Variants in SPMIP11 observed in about 807,000 individuals in gnomAD.
The protein encoded by SPMIP11 is sperm microtubule inner protein 11.
chr12:48,750,728 T>C, the SPMIP11 span, among the ~76,000 whole-genome samples: 4 of 152,222 alleles, frequency 2.6e-5, no homozygotes, highest in African/African-American at 9.6e-5. Flanking sequence ...CTATGTCCAT[T>C]AATTCAGGGA....
chr12:48,750,122 C>T, the SPMIP11 span, among the ~76,000 whole-genome samples: 1 of 151,998 alleles, frequency 6.6e-6, no homozygotes, highest in Non-Finnish European at 1.5e-5. Flanking sequence ...GAGGCCGAGG[C>T]AGGAAAATCG....
chr12:48,757,696 A>G, the SPMIP11 span, among the ~76,000 whole-genome samples: 1 of 148,644 alleles, frequency 6.7e-6, no homozygotes, highest in African/African-American at 2.5e-5. Context: ...ATAAATATAT[A>G]TATGTATATA....
At chr12:48,770,343 C>T in the SPMIP11 span, among the ~76,000 whole-genome samples, 1 of 152,142 alleles carries the variant, frequency 6.6e-6, no homozygotes, top group South Asian at 2.1e-4. Flanking sequence ...ACCAAATAGT[C>T]CATCTCTAGT....
the SPMIP11 span, among the ~76,000 whole-genome samples, chr12:48,748,525 C>T: frequency 6.6e-6 from 1 of 151,738 alleles, no homozygotes; most frequent in Non-Finnish European, 1.5e-5. Flanking sequence ...TGCCAATTGC[C>T]CTTGCTTTAA....
At chr12:48,759,152 T>C in the SPMIP11 span, 2 of 697,480 alleles carry the variant, frequency 2.9e-6, no homozygotes, top group East Asian at 5.4e-5. Flanking sequence ...GACCAGGGAA[T>C]CAGAGAATCA....
the SPMIP11 span, among the ~76,000 whole-genome samples, chr12:48,738,659 C>T: frequency 6.6e-6 from 1 of 151,982 alleles, no homozygotes; most frequent in Non-Finnish European, 1.5e-5. Context: ...CTCAGCCTCC[C>T]GAGTAGCTGG....
chr12:48,759,349 G>T, the SPMIP11 span: 1 of 702,518 alleles, frequency 1.4e-6, no homozygotes, highest in East Asian at 2.7e-5. Context: ...CCTTGGGGTG[G>T]GCATCATGCT....
chr12:48,771,214 C>T, the SPMIP11 span: 2 of 565,720 alleles, frequency 3.5e-6, no homozygotes, highest in Admixed American at 6.1e-5. The surrounding 1 kb of genome is among the most constrained non-coding windows in gnomAD (Gnocchi z 4.3). Flanking sequence ...GAACACAGAC[C>T]CACAAGTGCA....
the SPMIP11 span, among the ~76,000 whole-genome samples, chr12:48,769,776 G>C: frequency 1.6e-5 from 1 of 64,098 alleles, no homozygotes; most frequent in Non-Finnish European, 3.3e-5. Context: ...TTTTTTTTTT[G>C]GGGGGGACAG....
the SPMIP11 span, among the ~76,000 whole-genome samples, chr12:48,742,278 C>CATTT: frequency 7.4e-6 from 1 of 135,932 alleles, no homozygotes; most frequent in African/African-American, 2.9e-5. Context: ...TTTTCTTTTC[C>CATTT]TTTTTTTTTT....
the SPMIP11 span, among the ~76,000 whole-genome samples, chr12:48,728,563 C>T: frequency 6.6e-6 from 1 of 151,990 alleles, no homozygotes; most frequent in Non-Finnish European, 1.5e-5. Context: ...AAACAATTAG[C>T]CGAGCGTGAT....
chr12:48,755,867 GTTTC>G, the SPMIP11 span, among the ~76,000 whole-genome samples: 1 of 143,304 alleles, frequency 7.0e-6, no homozygotes, highest in Non-Finnish European at 1.5e-5. Context: ...TTTCTCCTCA[GTTTC>G]TTTCTTTTTT....
At chr12:48,769,848 G>A in the SPMIP11 span, among the ~76,000 whole-genome samples, 11 of 147,950 alleles carry the variant, frequency 7.4e-5, no homozygotes, top group East Asian at 4.0e-4. Flanking sequence ...TGCAAGCTCC[G>A]CCTCCCGGGT....
the SPMIP11 span, among the ~76,000 whole-genome samples, chr12:48,727,794 A>G: frequency 1.0e-3 from 156 of 152,286 alleles, no homozygotes; most frequent in African/African-American, 3.6e-3. Context: ...GCTCACATGC[A>G]ATTCCAGCAG....
chr12:48,762,097 C>A, the SPMIP11 span, among the ~76,000 whole-genome samples: 3 of 114,740 alleles, frequency 2.6e-5, no homozygotes, highest in Admixed American at 3.9e-4. Context: ...CTCACTCTGT[C>A]TCCCAGGCTG....
chr12:48,761,412 T>C, the SPMIP11 span, among the ~76,000 whole-genome samples: 1 of 150,010 alleles, frequency 6.7e-6, no homozygotes, highest in Admixed American at 6.7e-5. Flanking sequence ...GATGGCACCA[T>C]TGCACTCCAG....
the SPMIP11 span, chr12:48,759,416 T>TGC: frequency 1.5e-6 from 1 of 670,474 alleles, no homozygotes; most frequent in African/African-American, 1.8e-5. Flanking sequence ...AGGCCGGGCT[T>TGC]GGTGGCTCAT....
the SPMIP11 span, among the ~76,000 whole-genome samples, chr12:48,752,543 A>T: frequency 1.3e-5 from 2 of 151,448 alleles, no homozygotes; most frequent in Non-Finnish European, 2.9e-5. Flanking sequence ...TTTACCTTCT[A>T]CTCTGGAGTC....
chr12:48,760,477 C>T, the SPMIP11 span, among the ~76,000 whole-genome samples: 1 of 151,966 alleles, frequency 6.6e-6, no homozygotes, highest in Admixed American at 6.6e-5. Flanking sequence ...CACACCCAGC[C>T]CATTTACCCT....
Sources: allele counts gnomAD v4.1 joint callset (sites outside exome capture counted in the v4.1 genomes callset), GRCh38; gene constraint gnomAD v4.1.1; non-coding constraint Gnocchi (gnomAD v3.1); transcripts MANE v1.5; gene names NCBI Gene and HGNC (gene_info 2026-07-23, HGNC 2026-07-21).